RYR2: variants seen among roughly 807,000 people sequenced by gnomAD.
RYR2 encodes ryanodine receptor 2.
In RYR2, 227 loss-of-function variants were observed where a neutral mutation model predicts 601.1. That is an observed-to-expected ratio of 0.38 (90% CI 0.34 to 0.42). The LOEUF is 0.42. Ranked by LOEUF, RYR2 falls within the 10% of genes least tolerant of loss-of-function variation. RYR2 has a pLI of 1.00. For synonymous variants in RYR2, 2,223 were observed against 2,175.1 expected, an observed-to-expected ratio of 1.02 and a Z score of -0.61; for missense variants, 4,646 against 6,156.5, an observed-to-expected ratio of 0.75 and a Z score of 8.21.
intron 100 of RYR2, among the ~76,000 whole-genome samples, chr1:237,818,434 G>A (rs1343053085): frequency 6.6e-6 from 1 of 152,046 alleles, no homozygotes; most frequent in African/African-American, 2.4e-5. Context: ...TTAGCAGTAG[G>A]CACAGGCAGC....
chr1:237,717,588 A>G (rs1327970477), intron 72 of RYR2, among the ~76,000 whole-genome samples: 8 of 152,228 alleles, frequency 5.3e-5, no homozygotes, highest in Admixed American at 3.9e-4. Flanking sequence ...GACACATTCA[A>G]GAACCAAACA....
intron 27 of RYR2, among the ~76,000 whole-genome samples, chr1:237,564,071 T>C (rs2169902): frequency 0.82 from 124,914 of 152,108 alleles, 52,894 homozygotes; most frequent in South Asian, 0.92. Flanking sequence ...CCTGATCATT[T>C]TTTCTTCCCT....
chr1:237,364,464 G>A (rs762978519), intron 5 of RYR2, 92 bp downstream of exon 5: 5 of 610,594 alleles, frequency 8.2e-6, no homozygotes, highest in Non-Finnish European at 1.4e-5. Context: ...TATTAGTATA[G>A]CTGTATTATA....
chr1:237,687,385 A>ATTTTCCCCTTTTTT, intron 62 of RYR2, 70 bp from the exon 63 acceptor site: 2 of 209,454 alleles, frequency 9.5e-6, no homozygotes. Flanking sequence ...TTTTTTTTTT[A>ATTTTCCCCTTTTTT]ATTTCCCCCT....
chr1:237,479,818 C>G (rs1359585594), intron 17 of RYR2, among the ~76,000 whole-genome samples: 1 of 152,212 alleles, frequency 6.6e-6, no homozygotes, highest in Non-Finnish European at 1.5e-5. Flanking sequence ...CATTACTCCA[C>G]TGGATTTCCA....
At chr1:237,665,109 A>G (rs1347594858) in intron 56 of RYR2, among the ~76,000 whole-genome samples, 1 of 152,186 alleles carries the variant, frequency 6.6e-6, no homozygotes, top group Admixed American at 6.5e-5. Flanking sequence ...ATATTAAAAG[A>G]AAAACTCCAG....
rs1215995595 is a variant in RYR2 at position 237,548,551 on chromosome 1, G to A, written c.3027G>A (p.Arg1009=). 1.9e-6 allele frequency: 3 copies of A among 1,613,968 alleles called. No homozygotes were observed. Among genetic ancestry groups the A allele is most frequent in the African/African-American group, 1.3e-5 (1 of 75,042 alleles). Residue 1009 remains arginine (R), a synonymous_variant, in exon 26 of 105, where the codon CGG becomes CGA. Transcript: ENST00000366574. ...LAENAHNVWA[R]DRIRQGWTYG... is the part of the protein sequence containing the mutation. Reference sequence around the variant, plus strand: ...AAAATGCACATAATGTGTGGGCGCGGGATCGAATCCGGCAGGGCTGGACTT... The same window carrying A: ...AAAATGCACATAATGTGTGGGCGCGAGATCGAATCCGGCAGGGCTGGACTT...
At chr1:237,753,707 G>T (rs1269771513) in intron 80 of RYR2, among the ~76,000 whole-genome samples, 1 of 152,154 alleles carries the variant, frequency 6.6e-6, no homozygotes, top group Non-Finnish European at 1.5e-5. Flanking sequence ...ACTGCAGGTG[G>T]TGTTTATTTA....
rs780855884 is a variant in RYR2, at chr1:237,726,316, C to T, written c.10725+8C>T. ...CGGAGACATTACTGTCTGGGAAGTA[C>T]AGTGCTCAATGGCCTAGAGATTACT... On this transcript the variant is annotated splice_region_variant and intron_variant, in intron 75 of 104. Coordinates refer to ENST00000366574, the MANE Select transcript of RYR2 (RefSeq NM_001035.3). 6.4e-7 allele frequency: 1 copy of T among 1,567,762 alleles called. No homozygotes were observed. The highest frequency in any genetic ancestry group is 8.7e-7 in the Non-Finnish European group (1 of 1,144,140).
At chr1:237,748,162 G>A (rs1692237320) in intron 80 of RYR2, among the ~76,000 whole-genome samples, 1 of 152,138 alleles carries the variant, frequency 6.6e-6, no homozygotes, top group African/African-American at 2.4e-5. Context: ...ATAGAGAAAC[G>A]ATATGGGGAA....
chr1:237,068,814 T>C (rs1019632378), intron 1 of RYR2, among the ~76,000 whole-genome samples: 5 of 152,178 alleles, frequency 3.3e-5, no homozygotes, highest in Admixed American at 1.3e-4. Context: ...TGAACTTCCC[T>C]TTACTGTTTT....
intron 1 of RYR2, among the ~76,000 whole-genome samples, chr1:237,234,345 C>T (rs10925346): frequency 0.046 from 7,055 of 152,176 alleles, 424 homozygotes; most frequent in East Asian, 0.23. Context: ...CTTTATCAAC[C>T]CTTTGGCTGT....
rs1689768390 is a variant in RYR2, at chr1:237,272,276, A to C, written c.168+1660A>C. 2.0e-5 allele frequency among the ~76,000 whole-genome samples: 3 copies of C among 152,212 alleles called. No individual in the cohort carries two copies. In the South Asian group the frequency reaches 6.2e-4, roughly 32 times the overall value. On this transcript the variant is annotated intron_variant, in intron 2 of 104. Transcript: ENST00000366574. ...TACAGGTCAAAGTCCTCCTCTGAGGAGAAATTGCAGGGGCGATAGAGGCAA... is the reference window on the plus strand; with the variant it reads ...TACAGGTCAAAGTCCTCCTCTGAGGCGAAATTGCAGGGGCGATAGAGGCAA...
intron 1 of RYR2, among the ~76,000 whole-genome samples, chr1:237,148,179 T>C (rs534563740): frequency 1.6e-4 from 24 of 152,260 alleles, no homozygotes; most frequent in African/African-American, 4.1e-4. Context: ...ATAAACAAGA[T>C]AGTTAATAAA....
chr1:237,441,789 C>T (rs188431745), intron 13 of RYR2, among the ~76,000 whole-genome samples: 4 of 152,116 alleles, frequency 2.6e-5, no homozygotes, highest in East Asian at 1.9e-4. Flanking sequence ...TGACAAAGTC[C>T]GTTACTGACA....
At chr1:237,212,801 G>A (rs1211545110) in intron 1 of RYR2, among the ~76,000 whole-genome samples, 1 of 152,102 alleles carries the variant, frequency 6.6e-6, no homozygotes, top group Non-Finnish European at 1.5e-5. Flanking sequence ...TTGAGACGAA[G>A]TCTTGCTCTG....
intron 11 of RYR2, among the ~76,000 whole-genome samples, chr1:237,422,418 T>C (rs1705690704): frequency 6.6e-6 from 1 of 152,192 alleles, no homozygotes; most frequent in African/African-American, 2.4e-5. Context: ...TAACTTATCA[T>C]TTTACTGAAA....
intron 101 of RYR2, among the ~76,000 whole-genome samples, chr1:237,820,187 CAAA>C (rs141962001): frequency 0.39 from 27,301 of 70,440 alleles, 2,920 homozygotes; most frequent in East Asian, 0.64. Context: ...AACTCCATCT[CAAA>C]AAAAAAAAAA....
intron 1 of RYR2, among the ~76,000 whole-genome samples, chr1:237,103,952 T>C: frequency 6.7e-6 from 1 of 149,538 alleles, no homozygotes; most frequent in Middle Eastern, 3.2e-3. Flanking sequence ...CTGTCTCTTT[T>C]GTCTGGTTGT....
Sources: allele counts gnomAD v4.1 joint callset (sites outside exome capture counted in the v4.1 genomes callset), GRCh38; gene constraint gnomAD v4.1.1; transcripts MANE v1.5; gene names NCBI Gene and HGNC (gene_info 2026-07-23, HGNC 2026-07-21).